LRRC9: variants seen among roughly 807,000 people sequenced by gnomAD.
LRRC9 encodes leucine-rich repeat-containing protein 9.
Under a neutral mutation model 63.2 loss-of-function variants are expected in LRRC9, and 122 were observed. The observed-to-expected ratio is 1.93, with a 90% CI of 1.67 to 2.24. LRRC9 has a LOEUF of 2.24. Among genes scored for constraint, LRRC9 ranks in the 30% most tolerant of loss-of-function variants. The pLI is 0.00. For missense variants in LRRC9, 1,071 were observed against 627.7 expected, an observed-to-expected ratio of 1.71 and a Z score of -7.55; for synonymous variants, 366 against 213.1, an observed-to-expected ratio of 1.72 and a Z score of -6.25.
rs755233936 is a variant in LRRC9, at chr14:60,053,150, A to G, written c.4076A>G (p.Asp1359Gly). ...TTAGATGGAAGTCCTGTGAATTCAG[A>G]TGATAGGGCAAAAGCTGAATTTCAC... The change falls in exon 30 of 32, where the codon GAT becomes GGT. Residue 1359 changes from aspartate (D) to glycine (G), a missense_variant. Coordinates refer to ENST00000445360, the Ensembl canonical transcript of LRRC9. The surrounding 1 kb of genome is among the most constrained non-coding windows in gnomAD (Gnocchi z 4.8). 3 of 701,736 alleles carry G rather than the reference A, an allele frequency of 4.3e-6. No homozygotes were observed. Among genetic ancestry groups the G allele is most frequent in the South Asian group, 3.0e-5 (2 of 67,330 alleles). The allele number at this position is 701,736 out of a possible 1,614,324, so 43.5% of individuals were successfully genotyped here. A position where few individuals can be genotyped will look rare whatever the true frequency, so the allele number is the denominator to read the frequency against.
chr14:59,994,765 A>T (rs1032774016), intron 17 of LRRC9, among the ~76,000 whole-genome samples: 1 of 152,138 alleles, frequency 6.6e-6, no homozygotes, highest in Non-Finnish European at 1.5e-5. Context: ...GCAAAGACAA[A>T]AAACCAAATA....
At chr14:59,924,116 A>G (rs1188014929) in intron 1 of LRRC9, among the ~76,000 whole-genome samples, 1 of 152,236 alleles carries the variant, frequency 6.6e-6, no homozygotes, top group Non-Finnish European at 1.5e-5. Flanking sequence ...GACAAAGGCA[A>G]GATAACTTAG....
At chr14:60,035,332 G>A (rs1167303315) in intron 29 of LRRC9, among the ~76,000 whole-genome samples, 4 of 152,084 alleles carry the variant, frequency 2.6e-5, no homozygotes, top group Non-Finnish European at 5.9e-5. Flanking sequence ...TTACTTTGCT[G>A]TACGGAAGCT....
At chr14:59,972,129 C>T (rs1163898360) in intron 12 of LRRC9, among the ~76,000 whole-genome samples, 1 of 152,098 alleles carries the variant, frequency 6.6e-6, no homozygotes, top group Non-Finnish European at 1.5e-5. Flanking sequence ...TGTGATTCTC[C>T]TAAGTACAGC....
At chr14:59,975,032 AG>A (rs1419240588) in intron 13 of LRRC9, among the ~76,000 whole-genome samples, 11 of 25,852 alleles carry the variant, frequency 4.3e-4, no homozygotes, top group Admixed American at 6.2e-4. Context: ...TATGTGTCAC[AG>A]CATATATATA....
At chr14:59,970,055 G>C (rs957052923) in intron 12 of LRRC9, among the ~76,000 whole-genome samples, 7 of 152,022 alleles carry the variant, frequency 4.6e-5, no homozygotes, top group Non-Finnish European at 1.0e-4. Flanking sequence ...AGATTATTTT[G>C]TCACCCAGGT....
At position 59,923,440 on chromosome 14, in the gene LRRC9, T is replaced by A. The variant is rs1182151830; in HGVS notation, c.-34+3557T>A. ...GAGAGCTATCCCTTGTTCTTGAGGATGACTCAAAACTGTAATATGGAAGTT... is the reference window on the plus strand; with the variant it reads ...GAGAGCTATCCCTTGTTCTTGAGGAAGACTCAAAACTGTAATATGGAAGTT... On this transcript the variant is annotated intron_variant, in intron 1 of 31. Coordinates refer to ENST00000445360, the Ensembl canonical transcript of LRRC9. The surrounding 1 kb of genome is among the most constrained non-coding windows in gnomAD (Gnocchi z 4.2). Among the ~76,000 whole-genome samples the A allele has an allele frequency of 6.6e-6, 1 of 152,212 alleles. No homozygotes were observed. The highest frequency in any genetic ancestry group is 2.4e-5 in the African/African-American group (1 of 41,450).
chr14:59,936,302 C>T lies in LRRC9; in HGVS notation c.544-2088C>T, dbSNP rs903807572. On this transcript the variant is annotated intron_variant, in intron 6 of 31. Transcript: ENST00000445360. This position sits in a 1 kb window ranked among gnomAD's most constrained non-coding sequence, Gnocchi z 4.2. ...TTATGACTATCATAAAAACATTGAA[C>T]GTGATTCACAGGAAGTTTTACTATC... Among the ~76,000 whole-genome samples the T allele has an allele frequency of 6.6e-6, 1 of 152,060 alleles. No individual in the cohort carries two copies. The highest frequency in any genetic ancestry group is 2.1e-4 in the South Asian group (1 of 4,818).
intron 29 of LRRC9, among the ~76,000 whole-genome samples, chr14:60,040,323 T>G: frequency 6.6e-6 from 1 of 151,922 alleles, no homozygotes; most frequent in East Asian, 1.9e-4. Context: ...CTTGTTAACT[T>G]TCTGTCTCGT....
intron 8 of LRRC9, among the ~76,000 whole-genome samples, chr14:59,955,728 T>C (rs1244421080): frequency 6.6e-6 from 1 of 152,206 alleles, no homozygotes; most frequent in Admixed American, 6.5e-5. Flanking sequence ...TTAATTGTGA[T>C]GTTAGGGTGT....
intron 29 of LRRC9, among the ~76,000 whole-genome samples, chr14:60,037,713 G>A (rs553974688): frequency 7.2e-5 from 11 of 152,304 alleles, no homozygotes; most frequent in African/African-American, 2.4e-4. Context: ...CCATTCTGCA[G>A]GTTGCCTGTT....
At chr14:59,969,067 A>G (rs1327221069) in intron 12 of LRRC9, 1 of 152,172 alleles carries the variant, frequency 6.6e-6, no homozygotes, top group Non-Finnish European at 1.5e-5. Flanking sequence ...AAGATTTGCC[A>G]AAAAAAGATC....
Position 59,932,055 on chromosome 14 carries a change from A to C in LRRC9, c.543+16A>C. ...TTCTTTCAAGGTATGTTTAAGTGGA[A>C]TAATTAATTTTTATTTATCATCCTG... is the stretch of plus-strand genomic sequence containing the variant. On this transcript the variant is annotated intron_variant, in intron 6 of 31. Transcript: ENST00000445360. The surrounding 1 kb of genome is among the most constrained non-coding windows in gnomAD (Gnocchi z 4.7). The C allele has an allele frequency of 1.4e-6, 1 of 693,708 alleles. No homozygotes were observed. Among genetic ancestry groups the C allele is most frequent in the South Asian group, 1.5e-5 (1 of 65,626 alleles). 43.0% of individuals were successfully genotyped at this position (693,708 alleles called of 1,614,324 possible). A position where few individuals can be genotyped will look rare whatever the true frequency, so the allele number is the denominator to read the frequency against.
At chr14:60,008,098 T>G in exon 23 of LRRC9, 1 of 692,466 alleles carries the variant, frequency 1.4e-6, no homozygotes, top group South Asian at 1.5e-5. Flanking sequence ...CTAGGGTTTA[T>G]GCAACTTGGT....
At position 59,964,773 on chromosome 14, in the gene LRRC9, G is replaced by A. The variant is rs1354822767; in HGVS notation, c.1212-1816G>A. On this transcript the variant is annotated intron_variant, in intron 10 of 31. Coordinates refer to ENST00000445360, the Ensembl canonical transcript of LRRC9. The surrounding 1 kb of genome is among the most constrained non-coding windows in gnomAD (Gnocchi z 4.4). ...GGCTGTTTTGTAGGTACTCTAAACTGGTTAGCAGGCATCATGCTTGATTGC... is the reference window on the plus strand; with the variant it reads ...GGCTGTTTTGTAGGTACTCTAAACTAGTTAGCAGGCATCATGCTTGATTGC... Among the ~76,000 whole-genome samples, 4 of 152,010 alleles carry A rather than the reference G, an allele frequency of 2.6e-5. No homozygotes were observed. Among genetic ancestry groups the A allele is most frequent in the Non-Finnish European group, 5.9e-5 (4 of 67,994 alleles).
In LRRC9 at chr14:60,053,288, T is replaced by C. The variant is rs1289057672; in HGVS notation, c.4131+83T>C. ...AACATTATATCTTTTGATTTAAATGTTTAAACCTATGGCGTTTTTGATAAG... is the reference window on the plus strand; with the variant it reads ...AACATTATATCTTTTGATTTAAATGCTTAAACCTATGGCGTTTTTGATAAG... On this transcript the variant is annotated intron_variant, in intron 30 of 31. Coordinates refer to ENST00000445360, the Ensembl canonical transcript of LRRC9. This position sits in a 1 kb window ranked among gnomAD's most constrained non-coding sequence, Gnocchi z 4.8. 1.4e-5 allele frequency: 9 copies of C among 625,162 alleles called. No homozygotes were observed. Among genetic ancestry groups the C allele is most frequent in the Non-Finnish European group, 2.6e-5 (9 of 348,666 alleles). The allele number at this position is 625,162 out of a possible 1,614,324, so 38.7% of individuals were successfully genotyped here. A position where few individuals can be genotyped will look rare whatever the true frequency, so the allele number is the denominator to read the frequency against.
intron 31 of LRRC9, chr14:60,059,165 GAT>G (rs1894489405): frequency 6.6e-6 from 1 of 152,028 alleles, no homozygotes; most frequent in Admixed American, 6.6e-5. Context: ...GCATTTCACA[GAT>G]ATTGAGTTTT....
In LRRC9 at chr14:60,004,949, T is replaced by C. The variant is rs1889696088; in HGVS notation, c.2842+1151T>C. Among the ~76,000 whole-genome samples, 1 of 151,946 alleles carries C rather than the reference T, an allele frequency of 6.6e-6. No individual in the cohort carries two copies. Among genetic ancestry groups the C allele is most frequent in the Non-Finnish European group, 1.5e-5 (1 of 67,880 alleles). ...TTTCTGTATGTGCATTTTGGTAACA[T>C]GGTTGTGTTTGTCAAGGAGGGAAGG... On this transcript the variant is annotated intron_variant, in intron 21 of 31. Transcript: ENST00000445360. The surrounding 1 kb of genome is among the most constrained non-coding windows in gnomAD (Gnocchi z 4.8).
At chr14:60,044,171 T>G (rs541371023) in intron 29 of LRRC9, among the ~76,000 whole-genome samples, 53 of 152,226 alleles carry the variant, frequency 3.5e-4, no homozygotes, top group South Asian at 1.2e-3. Flanking sequence ...ATTTTTGATT[T>G]CATTTTTTAG....
Sources: gnomAD v4.1 joint callset for allele counts (sites outside exome capture counted in the v4.1 genomes callset) on GRCh38, gnomAD v4.1.1 for gene constraint, Gnocchi (gnomAD v3.1) non-coding constraint, MANE v1.5 for transcripts, NCBI Gene and HGNC (gene_info 2026-07-23, HGNC 2026-07-21) for gene names.